TMEM248: variants seen among roughly 807,000 people sequenced by gnomAD.
The protein encoded by TMEM248 is transmembrane protein 248, also known as UPF0458 protein C7orf42.
In TMEM248, 9 loss-of-function variants were observed where a neutral mutation model predicts 30.3. The observed-to-expected ratio is 0.30, with a 90% confidence interval of 0.18 to 0.52. TMEM248 has a LOEUF of 0.52. TMEM248 is among the 20% of genes least tolerant of loss of function. The pLI is 0.97. For synonymous variants in TMEM248, 184 were observed against 154.4 expected, an observed-to-expected ratio of 1.19 and a Z score of -1.42; for missense variants, 338 against 403.3, an observed-to-expected ratio of 0.84 and a Z score of 1.39.
Position 66,953,263 on chromosome 7 carries a change from C to G in TMEM248, c.818C>G (p.Thr273Ser). 1 of 1,614,090 alleles carries G rather than the reference C, an allele frequency of 6.2e-7. No homozygotes were observed. Among genetic ancestry groups the G allele is most frequent in the South Asian group, 1.1e-5 (1 of 91,074 alleles). ...TTAATAAATTTGCATCTCATGCACA[C>G]CAGTTACTTCCTCTTTGTGATGGTG... ...RSLINLHLMH[T>S]SYFLFVMVIT... Residue 273 changes from threonine (T) to serine (S), a missense_variant, in exon 6 of 7, where the codon ACC becomes AGC. Coordinates refer to ENST00000341567, the MANE Select transcript of TMEM248 (RefSeq NM_017994.5).
intron 1 of TMEM248, among the ~76,000 whole-genome samples, chr7:66,941,390 AAAAG>A (rs1791947876): frequency 6.7e-6 from 1 of 148,464 alleles, no homozygotes; most frequent in Non-Finnish European, 1.5e-5. Flanking sequence ...AAAAAAAAAA[AAAAG>A]AAAAAAAAAA....
At chr7:66,947,269 A>G (rs1048075242) in intron 3 of TMEM248, among the ~76,000 whole-genome samples, 5 of 151,816 alleles carry the variant, frequency 3.3e-5, no homozygotes, top group Admixed American at 6.6e-5. Flanking sequence ...CAAGGAATTT[A>G]AGTGCCCACC....
intron 1 of TMEM248, among the ~76,000 whole-genome samples, chr7:66,932,179 A>G (rs941320179): frequency 1.3e-5 from 2 of 152,054 alleles, no homozygotes; most frequent in Admixed American, 6.6e-5. Flanking sequence ...TTTTGCCATT[A>G]TGTATTGGTG....
Position 66,956,098 on chromosome 7 carries a change from T to C in TMEM248, c.*576T>C, listed in dbSNP as rs978658460. On this transcript the variant is annotated 3_prime_UTR_variant, in exon 7 of 7. Coordinates refer to ENST00000341567, the MANE Select transcript of TMEM248 (RefSeq NM_017994.5). ...GTTTTTTTTGTTTTGTTTTTGTTTT[T>C]TTGTTTTTTGTTTTCCTTTATGAAG... 6.5e-6 allele frequency: 1 copy of C among 152,720 alleles called. No individual in the cohort carries two copies. Among genetic ancestry groups the C allele is most frequent in the African/African-American group, 2.4e-5 (1 of 41,464 alleles). The allele number at this position is 152,720 out of a possible 1,614,324, so 9.5% of individuals were successfully genotyped here.
At position 66,957,352 on chromosome 7, in the gene TMEM248, C is replaced by A. The variant is rs576798887; in HGVS notation, c.*1830C>A. 1 of 152,326 alleles carries A rather than the reference C, an allele frequency of 6.6e-6. No individual in the cohort carries two copies. Among genetic ancestry groups the A allele is most frequent in the South Asian group, 2.1e-4 (1 of 4,834 alleles). The allele number at this position is 152,326 out of a possible 1,614,324, so 9.4% of individuals were successfully genotyped here. ...TTATTGAAGATTGTTAAAATAATCACCATAGTAACTTGATATGTTAGTATT... is the reference window on the plus strand; with the variant it reads ...TTATTGAAGATTGTTAAAATAATCAACATAGTAACTTGATATGTTAGTATT... On this transcript the variant is annotated 3_prime_UTR_variant, in exon 7 of 7. Coordinates refer to ENST00000341567, the MANE Select transcript of TMEM248 (RefSeq NM_017994.5).
chr7:66,928,988 G>T (rs1284892278), intron 1 of TMEM248, among the ~76,000 whole-genome samples: 2 of 152,046 alleles, frequency 1.3e-5, no homozygotes, highest in African/African-American at 2.4e-5. Context: ...GGGTCTTCTT[G>T]TGTTTTCCAG....
At chr7:66,940,093 A>T (rs1791909483) in intron 1 of TMEM248, among the ~76,000 whole-genome samples, 2 of 152,100 alleles carry the variant, frequency 1.3e-5, no homozygotes, top group African/African-American at 4.8e-5. Flanking sequence ...AGCTGGGATT[A>T]CAGGTGTGCA....
intron 4 of TMEM248, among the ~76,000 whole-genome samples, chr7:66,949,106 G>C (rs948855023): frequency 1.6e-4 from 24 of 148,700 alleles, no homozygotes; most frequent in Admixed American, 9.4e-4. Flanking sequence ...TTCAAGACCA[G>C]CCTGGACAAC....
chr7:66,949,157 GAAAGAAAAAGAAA>G (rs1792194526), intron 4 of TMEM248, among the ~76,000 whole-genome samples: 1 of 148,722 alleles, frequency 6.7e-6, no homozygotes, highest in South Asian at 2.1e-4. Flanking sequence ...AAAAAAAAAA[GAAAGAAAAAGAAA>G]AAAGAAAAGA....
In TMEM248 at chr7:66,945,133, A is replaced by G; in HGVS notation, c.317A>G (p.Asp106Gly). The change falls in exon 3 of 7, where the codon GAC becomes GGC. Residue 106 changes from aspartate (D) to glycine (G), a missense_variant. Coordinates refer to ENST00000341567, the MANE Select transcript of TMEM248 (RefSeq NM_017994.5). ...ACCCAGTCCCCCCAGGCCCTGGAGGACTCGGGCCCGGTGAATATCTCAGTC... is the reference window on the plus strand; with the variant it reads ...ACCCAGTCCCCCCAGGCCCTGGAGGGCTCGGGCCCGGTGAATATCTCAGTC... ...ASTQSPQALE[D>G]SGPVNISVSI... is the part of the protein sequence containing the mutation. 2.5e-6 allele frequency: 4 copies of G among 1,614,068 alleles called. No homozygotes were observed. The highest frequency in any genetic ancestry group is 3.4e-6 in the Non-Finnish European group (4 of 1,180,014).
intron 6 of TMEM248, among the ~76,000 whole-genome samples, chr7:66,954,104 C>G (rs929692622): frequency 1.1e-4 from 17 of 151,662 alleles, no homozygotes; most frequent in Non-Finnish European, 7.4e-5. Context: ...CCACCACACT[C>G]AGCTAATTTT....
chr7:66,947,400 G>A (rs571594892), intron 3 of TMEM248, among the ~76,000 whole-genome samples: 7 of 152,032 alleles, frequency 4.6e-5, no homozygotes, highest in South Asian at 2.1e-4. Context: ...GGACACCTTC[G>A]GGATTTTTTG....
chr7:66,932,736 G>A (rs973996229), intron 1 of TMEM248, among the ~76,000 whole-genome samples: 21 of 151,102 alleles, frequency 1.4e-4, no homozygotes, highest in African/African-American at 4.4e-4. Flanking sequence ...AGCTAGTCTC[G>A]AACTCCTGAG....
At chr7:66,925,534 C>T (rs539405878) in intron 1 of TMEM248, among the ~76,000 whole-genome samples, 1 of 152,108 alleles carries the variant, frequency 6.6e-6, no homozygotes, top group South Asian at 2.1e-4. Context: ...CTATGCCTGG[C>T]TTATTTCTCT....
At position 66,952,370 on chromosome 7, in the gene TMEM248, G is replaced by A. The variant is rs186580591; in HGVS notation, c.781-856G>A. 5.3e-5 allele frequency among the ~76,000 whole-genome samples: 8 copies of A among 152,322 alleles called. No homozygotes were observed. The East Asian group carries it at 1.2e-3, about 22-fold the overall frequency. ...ATTATAGGCATGAGCCACTATGCCC[G>A]ACCTTTGCCCTTTTCTGGGGCTCAT... On this transcript the variant is annotated intron_variant, in intron 5 of 6. Coordinates refer to ENST00000341567, the MANE Select transcript of TMEM248 (RefSeq NM_017994.5).
chr7:66,955,358 A>G, intron 6 of TMEM248, 144 bp from the exon 7 acceptor site: 5 of 930,254 alleles, frequency 5.4e-6, no homozygotes, highest in Non-Finnish European at 8.4e-6. Context: ...ATTTCTTCCT[A>G]GGTGAGATTT....
chr7:66,951,249 C>G, intron 5 of TMEM248, 114 bp downstream of exon 5: 2 of 996,092 alleles, frequency 2.0e-6, no homozygotes, highest in Non-Finnish European at 2.7e-6. Flanking sequence ...AGCGTATCCT[C>G]TGCCACTTTA....
At position 66,929,426 on chromosome 7, in the gene TMEM248, A is replaced by ATTTTTTTTTTTTTTTTTTT. The variant is rs35126436; in HGVS notation, c.-19+7975_-19+7993dup. On this transcript the variant is annotated intron_variant, in intron 1 of 6. Transcript: ENST00000341567. ...ACAATATCATGGAAATGAGAGACAAATTTTTTTTTTTTTTTTTTTTTTTTT... is the reference window on the plus strand; with the variant it reads ...ACAATATCATGGAAATGAGAGACAAATTTTTTTTTTTTTTTTTTTTTTTTTTTTTTTTTTTTTTTTTTTT... Among the ~76,000 whole-genome samples the ATTTTTTTTTTTTTTTTTTT allele has an allele frequency of 8.9e-4, 87 of 97,674 alleles. 4 individuals are homozygous for ATTTTTTTTTTTTTTTTTTT. The highest frequency in any genetic ancestry group is 1.3e-3 in the Non-Finnish European group (66 of 49,214). 64.1% of individuals were successfully genotyped at this position (97,674 alleles called of 152,430 possible).
In TMEM248 at chr7:66,955,491, C is replaced by A; in HGVS notation, c.925-11C>A. On this transcript the variant is annotated splice_polypyrimidine_tract_variant and intron_variant, in intron 6 of 6. Transcript: ENST00000341567. ...TTTTTTGACTGGTTTCCCTGGCTTG[C>A]TGTCTTCCAGGTGGCTTTGGCTGAA... The A allele has an allele frequency of 6.2e-7, 1 of 1,614,056 alleles. No individual in the cohort carries two copies. Among genetic ancestry groups the A allele is most frequent in the Non-Finnish European group, 8.5e-7 (1 of 1,179,992 alleles).
Sources: allele counts gnomAD v4.1 joint callset (sites outside exome capture counted in the v4.1 genomes callset), GRCh38; gene constraint gnomAD v4.1.1; transcripts MANE v1.5; gene names NCBI Gene and HGNC (gene_info 2026-07-23, HGNC 2026-07-21).